Variants in IFT43 observed in about 807,000 individuals in gnomAD.
IFT43 encodes the protein intraflagellar transport 43.
IFT43 carries 33 observed loss-of-function variants against 32.3 expected under a neutral mutation model. The observed-to-expected ratio is 1.02, with a 90% CI of 0.77 to 1.37. IFT43 has a LOEUF of 1.37. Ranked by LOEUF, IFT43 falls within the 40% of genes most tolerant of loss-of-function variation. The pLI is 0.00. For synonymous variants in IFT43, 93 were observed against 98.2 expected (o/e 0.95, Z 0.31); for missense variants, 274 against 265.9 (o/e 1.03, Z -0.21).
At chr14:76,082,488 G>C in intron 6 of IFT43, 121 bp downstream of exon 6, 1 of 1,266,770 alleles carries the variant, frequency 7.9e-7, no homozygotes. Context: ...TCCATCCAGG[G>C]TTCCCATTTT....
At chr14:76,016,071 T>C (rs1199274199) in intron 2 of IFT43, among the ~76,000 whole-genome samples, 5 of 152,248 alleles carry the variant, frequency 3.3e-5, no homozygotes, top group Non-Finnish European at 5.9e-5. Context: ...TTCTGGATGC[T>C]CGTTTCTTGT....
intron 3 of IFT43, among the ~76,000 whole-genome samples, chr14:76,035,071 G>T (rs949350502): frequency 7.2e-5 from 11 of 152,234 alleles, no homozygotes; most frequent in Non-Finnish European, 1.0e-4. Flanking sequence ...GGCCCCTCAG[G>T]GACTTTCAGG....
intron 2 of IFT43, among the ~76,000 whole-genome samples, chr14:75,991,199 C>T (rs965573742): frequency 7.9e-5 from 12 of 151,922 alleles, no homozygotes; most frequent in Admixed American, 5.2e-4. Flanking sequence ...GTTTGGGTGG[C>T]ATGTGCCTAT....
chr14:76,019,389 T>C (rs1475445701), intron 2 of IFT43, among the ~76,000 whole-genome samples: 14 of 152,196 alleles, frequency 9.2e-5, no homozygotes, highest in East Asian at 7.7e-4. Context: ...TTTTTTTTTT[T>C]CCCTTTCAGC....
chr14:76,066,472 T>C lies in IFT43; in HGVS notation c.295+7099T>C, dbSNP rs541843393. On this transcript the variant is annotated intron_variant, in intron 5 of 8. Coordinates refer to ENST00000314067, the MANE Select transcript of IFT43 (RefSeq NM_001102564.3). ...TAGTCCATTTCACTGTATATGAATGTTTAGAATCCATTATGCAGTAGGAAT... is the reference window on the plus strand; with the variant it reads ...TAGTCCATTTCACTGTATATGAATGCTTAGAATCCATTATGCAGTAGGAAT... Among the ~76,000 whole-genome samples the C allele has an allele frequency of 1.6e-4, 25 of 152,366 alleles. 1 individual carries two copies. In the South Asian group the frequency reaches 3.1e-3, roughly 19 times the overall value.
At chr14:76,043,291 A>G (rs2036741311) in intron 3 of IFT43, among the ~76,000 whole-genome samples, 1 of 152,208 alleles carries the variant, frequency 6.6e-6, no homozygotes, top group Non-Finnish European at 1.5e-5. Context: ...GCATGAATGA[A>G]CCACCACAGG....
intron 5 of IFT43, among the ~76,000 whole-genome samples, chr14:76,064,217 A>G (rs945905457): frequency 6.6e-6 from 1 of 152,174 alleles, no homozygotes; most frequent in Non-Finnish European, 1.5e-5. Context: ...ATAATTGCCA[A>G]TGACTATATT....
At chr14:76,071,459 T>A (rs531949833) in intron 5 of IFT43, among the ~76,000 whole-genome samples, 1 of 152,264 alleles carries the variant, frequency 6.6e-6, no homozygotes, top group Admixed American at 6.5e-5. Flanking sequence ...CAATAAGCAG[T>A]GATGTGCTCT....
intron 5 of IFT43, among the ~76,000 whole-genome samples, chr14:76,069,256 C>G (rs1181598447): frequency 6.6e-6 from 1 of 152,126 alleles, no homozygotes; most frequent in African/African-American, 2.4e-5. Context: ...AATTCACTAT[C>G]TCGAGGACAG....
At chr14:76,000,037 G>T (rs1320383317) in intron 2 of IFT43, among the ~76,000 whole-genome samples, 1 of 152,142 alleles carries the variant, frequency 6.6e-6, no homozygotes, top group African/African-American at 2.4e-5. Context: ...GGTGATGAAG[G>T]CATCAACCAA....
chr14:76,067,347 C>T (rs2140071077), intron 5 of IFT43, among the ~76,000 whole-genome samples: 1 of 152,230 alleles, frequency 6.6e-6, no homozygotes, highest in Middle Eastern at 3.4e-3. Context: ...GGGTGGATCA[C>T]CTGAGGTCAG....
intron 5 of IFT43, among the ~76,000 whole-genome samples, chr14:76,070,077 G>A (rs2037292818): frequency 6.6e-6 from 1 of 152,252 alleles, no homozygotes; most frequent in South Asian, 2.1e-4. Context: ...AAAGTGCTGA[G>A]TTTAAGGGTA....
Position 76,062,371 on chromosome 14 carries a change from G to A in IFT43, c.295+2998G>A, listed in dbSNP as rs371704080. On this transcript the variant is annotated intron_variant, in intron 5 of 8. Transcript: ENST00000314067. ...AGGTGTGAGCCACCGCGCCCGGCCT[G>A]TTTTTCTGCTTCTTTACATGATTAG... Among the ~76,000 whole-genome samples the A allele has an allele frequency of 9.9e-5, 15 of 152,046 alleles. No individual in the cohort carries two copies. The East Asian group carries it at 2.9e-3, about 30-fold the overall frequency.
intron 2 of IFT43, among the ~76,000 whole-genome samples, chr14:75,998,529 G>C (rs989162756): frequency 3.3e-5 from 5 of 152,222 alleles, no homozygotes; most frequent in Non-Finnish European, 7.3e-5. Context: ...CTTGCCAAAA[G>C]AAATTGAGGA....
chr14:76,013,205 A>G (rs2036118343), intron 2 of IFT43, among the ~76,000 whole-genome samples: 1 of 152,232 alleles, frequency 6.6e-6, no homozygotes, highest in South Asian at 2.1e-4. Context: ...CATTAGGTAG[A>G]GAACTCAGAC....
At chr14:76,014,081 A>G in intron 2 of IFT43, 1 of 280,470 alleles carries the variant, frequency 3.6e-6, no homozygotes, top group Non-Finnish European at 7.3e-6. Context: ...AAGGACTGTA[A>G]AAAATTCTAT....
At chr14:76,054,589 C>T (rs149836764) in intron 3 of IFT43, among the ~76,000 whole-genome samples, 2 of 152,266 alleles carry the variant, frequency 1.3e-5, no homozygotes, top group African/African-American at 2.4e-5. Context: ...AGAACTCAGC[C>T]GAGGTAGTGT....
At chr14:75,999,246 TATATATATATATATATATATATA>T (rs1566699222) in intron 2 of IFT43, among the ~76,000 whole-genome samples, 4 of 10,376 alleles carry the variant, frequency 3.9e-4, no homozygotes, top group African/African-American at 1.6e-3. Flanking sequence ...TATATATATA[TATATATATATATATATATATATA>T]TATGTATATA....
chr14:76,078,830 C>G (rs1364764609), intron 5 of IFT43, among the ~76,000 whole-genome samples: 3 of 152,166 alleles, frequency 2.0e-5, no homozygotes, highest in Middle Eastern at 3.2e-3. Flanking sequence ...TTTCAAGGTG[C>G]CTGGCCACCT....
Sources: gnomAD v4.1 joint callset for allele counts (sites outside exome capture counted in the v4.1 genomes callset) on GRCh38, gnomAD v4.1.1 for gene constraint, MANE v1.5 for transcripts, NCBI Gene and HGNC (gene_info 2026-07-23, HGNC 2026-07-21) for gene names.